The following RUNX1 variants were observed in gnomAD, a reference collection of about 807,000 sequenced individuals.
RUNX1 encodes the protein RUNX family transcription factor 1.
RUNX1 carries 19 observed loss-of-function variants against 42.8 expected under a neutral mutation model. That is an observed-to-expected ratio of 0.44 (90% CI 0.31 to 0.65). The LOEUF is 0.65. RUNX1 is among the 30% of genes least tolerant of loss of function. RUNX1 has a pLI of 0.07. For missense variants in RUNX1, 528 were observed against 672.0 expected (o/e 0.79, Z 2.37); for synonymous variants, 271 against 289.4 (o/e 0.94, Z 0.64).
At chr21:34,956,247 A>C (rs1455608839) in intron 2 of RUNX1, among the ~76,000 whole-genome samples, 1 of 152,130 alleles carries the variant, frequency 6.6e-6, no homozygotes, top group East Asian at 1.9e-4. Flanking sequence ...GTGAAGATTC[A>C]TTGTGAATTT....
chr21:35,005,439 C>G (rs531063297), intron 2 of RUNX1, among the ~76,000 whole-genome samples: 3 of 152,096 alleles, frequency 2.0e-5, no homozygotes, highest in East Asian at 3.8e-4. Flanking sequence ...CCATACCCCA[C>G]GAATAATTTA....
intron 6 of RUNX1, among the ~76,000 whole-genome samples, chr21:34,853,505 G>A (rs2057453819): frequency 6.6e-6 from 1 of 152,170 alleles, no homozygotes; most frequent in Non-Finnish European, 1.5e-5. Context: ...CCAGCATCTG[G>A]ACGCCTTAGT....
intron 2 of RUNX1, among the ~76,000 whole-genome samples, chr21:35,013,345 A>G (rs531025484): frequency 1.3e-5 from 2 of 152,354 alleles, no homozygotes; most frequent in South Asian, 2.1e-4. Flanking sequence ...CCAACACATA[A>G]GCACCTTTAT....
In RUNX1 at chr21:34,975,164, T is replaced by C. The variant is rs113196272; in HGVS notation, c.58+73678A>G. On this transcript the variant is annotated intron_variant, in intron 2 of 8. Transcript: ENST00000675419. Reference sequence around the variant, plus strand: ...GCTAGTAAGTGGTGGAGGAAAAGACTTCCCCCTGGATCTTTTCCCTAGCTA... The same window carrying C: ...GCTAGTAAGTGGTGGAGGAAAAGACCTCCCCCTGGATCTTTTCCCTAGCTA... 7.9e-5 allele frequency among the ~76,000 whole-genome samples: 12 copies of C among 152,352 alleles called. 1 individual carries two copies. The highest frequency in any genetic ancestry group is 2.6e-4 in the African/African-American group (11 of 41,592).
intron 3 of RUNX1, chr21:34,888,659 C>T (rs2058033974): frequency 9.5e-6 from 10 of 1,047,312 alleles, no homozygotes; most frequent in Middle Eastern, 8.7e-4. Context: ...GGCCGCGGGG[C>T]GCCCGTCCCG....
intron 2 of RUNX1, among the ~76,000 whole-genome samples, chr21:35,014,840 C>G (rs1448057915): frequency 6.6e-6 from 1 of 152,254 alleles, no homozygotes; most frequent in Non-Finnish European, 1.5e-5. Context: ...TCACAGCACT[C>G]ACTGCTGCAC....
chr21:34,997,545 A>G (rs778796173), intron 2 of RUNX1, among the ~76,000 whole-genome samples: 1 of 152,212 alleles, frequency 6.6e-6, no homozygotes, highest in African/African-American at 2.4e-5. Flanking sequence ...ATTAGATGGT[A>G]AAGTAGTCTT....
chr21:35,047,561 A>ACACACACTCT (rs1428982623), intron 2 of RUNX1, among the ~76,000 whole-genome samples: 1 of 46,760 alleles, frequency 2.1e-5, no homozygotes, highest in Non-Finnish European at 4.1e-5. Context: ...ACACACACAC[A>ACACACACTCT]CTCTCTCTCT....
At chr21:34,908,579 G>A (rs931857756) in intron 2 of RUNX1, among the ~76,000 whole-genome samples, 5 of 152,132 alleles carry the variant, frequency 3.3e-5, no homozygotes, top group Non-Finnish European at 7.4e-5. Context: ...TGTGGACAGG[G>A]GGGTCGGGGG....
chr21:35,006,542 T>G (rs2834724), intron 2 of RUNX1, among the ~76,000 whole-genome samples: 46,043 of 152,018 alleles, frequency 0.3, 7,879 homozygotes, highest in African/African-American at 0.45. Flanking sequence ...ATTCTGCTGG[T>G]TGACTTTGGG....
chr21:34,985,690 G>T (rs2058880436), intron 2 of RUNX1, among the ~76,000 whole-genome samples: 1 of 152,060 alleles, frequency 6.6e-6, no homozygotes, highest in Non-Finnish European at 1.5e-5. Flanking sequence ...CAGACAGACA[G>T]GGACTGTTAT....
chr21:34,941,691 G>T (rs993360434), intron 2 of RUNX1, among the ~76,000 whole-genome samples: 7 of 152,274 alleles, frequency 4.6e-5, no homozygotes, highest in African/African-American at 1.4e-4. Context: ...CATTCTTTTT[G>T]AAGGTGATTT....
intron 2 of RUNX1, among the ~76,000 whole-genome samples, chr21:34,926,386 C>A (rs2058393714): frequency 7.4e-6 from 1 of 135,412 alleles, no homozygotes; most frequent in Non-Finnish European, 1.5e-5. Flanking sequence ...AGGAGGATCC[C>A]TTGAACCCAG....
At chr21:34,916,160 CA>C (rs986713394) in intron 2 of RUNX1, among the ~76,000 whole-genome samples, 2 of 152,174 alleles carry the variant, frequency 1.3e-5, no homozygotes, top group Non-Finnish European at 2.9e-5. Context: ...AAGGCAACGC[CA>C]GTGGCTCATT....
chr21:34,912,505 G>A (rs776339992), intron 2 of RUNX1, among the ~76,000 whole-genome samples: 1 of 152,084 alleles, frequency 6.6e-6, no homozygotes, highest in Non-Finnish European at 1.5e-5. Context: ...TTGCACCGAT[G>A]TTTTGGTTAT....
chr21:34,863,416 T>C (rs908930759), intron 5 of RUNX1, among the ~76,000 whole-genome samples: 2 of 152,212 alleles, frequency 1.3e-5, no homozygotes, highest in African/African-American at 4.8e-5. Context: ...TTTGGGCCTC[T>C]GGCAGTTGAG....
chr21:34,938,827 C>T (rs1234150566), intron 2 of RUNX1, among the ~76,000 whole-genome samples: 3 of 152,050 alleles, frequency 2.0e-5, no homozygotes, highest in Non-Finnish European at 4.4e-5. Flanking sequence ...AAGGAATAAC[C>T]TTCTGATAGT....
At chr21:34,794,535 T>G (rs1459827726) in intron 8 of RUNX1, among the ~76,000 whole-genome samples, 2 of 152,226 alleles carry the variant, frequency 1.3e-5, no homozygotes, top group African/African-American at 2.4e-5. Flanking sequence ...TTACCAGAAA[T>G]TGTAAAGCTT....
intron 6 of RUNX1, among the ~76,000 whole-genome samples, chr21:34,859,180 A>G (rs1217222254): frequency 4.6e-5 from 7 of 152,168 alleles, no homozygotes; most frequent in Admixed American, 2.0e-4. Flanking sequence ...ACTTTACTGT[A>G]TATTGAGGAA....
Sources: allele counts gnomAD v4.1 joint callset (sites outside exome capture counted in the v4.1 genomes callset), GRCh38; gene constraint gnomAD v4.1.1; transcripts MANE v1.5; gene names NCBI Gene and HGNC (gene_info 2026-07-23, HGNC 2026-07-21).